Variants in LSAMP observed in about 807,000 individuals in gnomAD.
LSAMP encodes the protein limbic system-associated membrane protein.
LSAMP carries 7 observed loss-of-function variants against 38.6 expected under a neutral mutation model. The observed-to-expected ratio is 0.18, with a 90% CI of 0.10 to 0.34. The LOEUF (loss-of-function observed/expected upper bound fraction) is 0.34, where lower values mean the gene tolerates loss of function less well. Among genes scored for constraint, LSAMP ranks in the 10% least tolerant of loss-of-function variants. The pLI is 1.00. For synonymous variants in LSAMP, 154 were observed against 166.8 expected, an observed-to-expected ratio of 0.92 and a Z score of 0.59; for missense variants, 313 against 420.0, an observed-to-expected ratio of 0.75 and a Z score of 2.23.
In LSAMP at chr3:116,445,445, G is replaced by A. The variant is rs1270950415; in HGVS notation, c.-414C>T. 5 of 449,630 alleles carry A rather than the reference G, an allele frequency of 1.1e-5. No individual in the cohort carries two copies. In the Admixed American group the frequency reaches 1.5e-4, roughly 14 times the overall value. The allele number at this position is 449,630 out of a possible 1,614,324, so 27.9% of individuals were successfully genotyped here. The stretch of plus-strand genomic sequence containing the variant: ...TGGCGGGCGGGCGGGCGAGGGAGCC[G>A]GCACCAAGCCTGCCAGTGAGTGTAC... On this transcript the variant is annotated 5_prime_UTR_variant, in exon 1 of 7. Coordinates refer to ENST00000490035, the MANE Select transcript of LSAMP (RefSeq NM_002338.5).
intron 2 of LSAMP, among the ~76,000 whole-genome samples, chr3:116,037,922 C>T (rs2107712921): frequency 6.6e-6 from 1 of 152,114 alleles, no homozygotes; most frequent in African/African-American, 2.4e-5. Context: ...GGAGGACTAA[C>T]CCTTGAGCTG....
At chr3:115,987,494 C>T (rs185250366) in intron 3 of LSAMP, among the ~76,000 whole-genome samples, 66 of 152,292 alleles carry the variant, frequency 4.3e-4, no homozygotes, top group African/African-American at 1.5e-3. Context: ...ATTTCAGGAA[C>T]TACAGTGGCA....
At chr3:116,280,722 C>G (rs1421526551) in intron 1 of LSAMP, among the ~76,000 whole-genome samples, 3 of 152,218 alleles carry the variant, frequency 2.0e-5, no homozygotes, top group African/African-American at 7.2e-5. Context: ...CCAGGGGCTT[C>G]TCCTTCTTTC....
At chr3:116,158,926 G>GAAAAC (rs1157933309) in intron 1 of LSAMP, among the ~76,000 whole-genome samples, 4 of 151,578 alleles carry the variant, frequency 2.6e-5, no homozygotes, top group South Asian at 4.2e-4. Context: ...AAACAAAACA[G>GAAAAC]AAAACAAAAC....
intron 1 of LSAMP, among the ~76,000 whole-genome samples, chr3:116,320,680 A>C (rs1235484924): frequency 6.6e-6 from 1 of 152,048 alleles, no homozygotes; most frequent in Non-Finnish European, 1.5e-5. Flanking sequence ...TGCTTCATTC[A>C]TTCACTGTCC....
At chr3:116,158,448 C>T (rs1216514199) in intron 1 of LSAMP, among the ~76,000 whole-genome samples, 1 of 152,098 alleles carries the variant, frequency 6.6e-6, no homozygotes, top group Non-Finnish European at 1.5e-5. Context: ...CAGATAACAC[C>T]ATAGTATCTG....
chr3:116,274,090 T>G (rs1160828456), intron 1 of LSAMP, among the ~76,000 whole-genome samples: 1 of 152,078 alleles, frequency 6.6e-6, no homozygotes, highest in Non-Finnish European at 1.5e-5. Context: ...GACTGTTCTC[T>G]CTCACATTTA....
At chr3:116,421,401 C>T (rs2049122836) in intron 1 of LSAMP, among the ~76,000 whole-genome samples, 1 of 152,088 alleles carries the variant, frequency 6.6e-6, no homozygotes, top group African/African-American at 2.4e-5. Context: ...GAAACCCTGT[C>T]TCTACTGAAA....
At chr3:116,163,897 C>T (rs1249031860) in intron 1 of LSAMP, among the ~76,000 whole-genome samples, 1 of 151,896 alleles carries the variant, frequency 6.6e-6, no homozygotes, top group Non-Finnish European at 1.5e-5. Flanking sequence ...AATAAGATCA[C>T]ACATATATAA....
At chr3:116,103,464 C>CAAAAAA (rs59732794) in intron 1 of LSAMP, among the ~76,000 whole-genome samples, 11 of 42,776 alleles carry the variant, frequency 2.6e-4, no homozygotes, top group Non-Finnish European at 3.1e-4. Context: ...GACTCCTTCT[C>CAAAAAA]AAAAAAAAAA....
chr3:116,190,070 G>A (rs1475450143), intron 1 of LSAMP, among the ~76,000 whole-genome samples: 1 of 144,494 alleles, frequency 6.9e-6, no homozygotes, highest in Non-Finnish European at 1.5e-5. Flanking sequence ...ACCACTATGA[G>A]CCTCAGGTCC....
In LSAMP at chr3:115,841,835, G is replaced by A. The variant is rs774933578; in HGVS notation, c.919+10C>T. On this transcript the variant is annotated intron_variant, in intron 6 of 6. Transcript: ENST00000490035. The stretch of plus-strand genomic sequence containing the variant: ...TTCCATCAAGTTGGGCCCTGCTTTG[G>A]CATACTTACTGAAAAGGACTAGGCT... 21 of 1,594,918 alleles carry A rather than the reference G, an allele frequency of 1.3e-5. No individual in the cohort carries two copies. The African/African-American group carries it at 2.4e-4, about 18-fold the overall frequency.
intron 1 of LSAMP, among the ~76,000 whole-genome samples, chr3:116,404,267 T>C (rs2048875351): frequency 6.6e-6 from 1 of 152,134 alleles, no homozygotes; most frequent in African/African-American, 2.4e-5. Flanking sequence ...AGTTTAAGGA[T>C]CTATTTATTA....
At chr3:116,144,278 T>G (rs1251674809) in intron 1 of LSAMP, among the ~76,000 whole-genome samples, 1 of 151,996 alleles carries the variant, frequency 6.6e-6, no homozygotes, top group Non-Finnish European at 1.5e-5. Flanking sequence ...GGTTCATGTC[T>G]GGGATTCTAG....
At chr3:116,238,573 G>A (rs1489231198) in intron 1 of LSAMP, among the ~76,000 whole-genome samples, 1 of 152,118 alleles carries the variant, frequency 6.6e-6, no homozygotes, top group Non-Finnish European at 1.5e-5. Flanking sequence ...TATCCAGGAA[G>A]GGAGGACAAT....
At chr3:116,229,623 C>G (rs1481291222) in intron 1 of LSAMP, among the ~76,000 whole-genome samples, 1 of 152,050 alleles carries the variant, frequency 6.6e-6, no homozygotes, top group Non-Finnish European at 1.5e-5. Context: ...AATTAATATA[C>G]ACTTTCAAAA....
At chr3:115,953,633 C>T (rs6438293) in intron 3 of LSAMP, among the ~76,000 whole-genome samples, 133,149 of 152,152 alleles carry the variant, frequency 0.88, 58,563 homozygotes, top group East Asian at 0.98. Context: ...GAAGAAAACT[C>T]GGAGATTAAA....
At chr3:115,854,356 C>T (rs1333610918) in intron 3 of LSAMP, among the ~76,000 whole-genome samples, 6 of 144,424 alleles carry the variant, frequency 4.2e-5, no homozygotes, top group African/African-American at 1.5e-4. Context: ...AATCTCGGCT[C>T]ACTGCAAGCT....
intron 3 of LSAMP, among the ~76,000 whole-genome samples, chr3:115,908,558 A>C (rs1049770422): frequency 6.6e-6 from 1 of 152,144 alleles, no homozygotes; most frequent in African/African-American, 2.4e-5. Context: ...AGTTGCTTAT[A>C]ACCTGACCTT....
Sources: gnomAD v4.1 joint callset for allele counts (sites outside exome capture counted in the v4.1 genomes callset) on GRCh38, gnomAD v4.1.1 for gene constraint, MANE v1.5 for transcripts, NCBI Gene and HGNC (gene_info 2026-07-23, HGNC 2026-07-21) for gene names.